Variants in SRD5A2 observed in about 807,000 individuals in gnomAD.
The protein encoded by SRD5A2 is 3-oxo-5-alpha-steroid 4-dehydrogenase 2.
A neutral mutation model predicts 27.4 loss-of-function variants in SRD5A2; 30 were observed. That is an observed-to-expected ratio of 1.10 (90% CI 0.82 to 1.49). The LOEUF (loss-of-function observed/expected upper bound fraction) is 1.49. Among genes scored for constraint, SRD5A2 ranks in the 40% most tolerant of loss-of-function variants. SRD5A2 has a pLI of 0.00. For synonymous variants in SRD5A2, 141 were observed against 133.6 expected (o/e 1.06, Z -0.38); for missense variants, 348 against 323.4 (o/e 1.08, Z -0.58).
chr2:31,636,577 C>T, the SRD5A2 span, among the ~76,000 whole-genome samples: 1 of 152,058 alleles, frequency 6.6e-6, no homozygotes, highest in African/African-American at 2.4e-5. Flanking sequence ...GAAAGGTCTT[C>T]ACATTTTCCC....
chr2:31,528,499 T>C (rs1046823512), intron 4 of SRD5A2, among the ~76,000 whole-genome samples: 17 of 152,184 alleles, frequency 1.1e-4, no homozygotes, highest in South Asian at 4.1e-4. Context: ...CCAGGCGTGA[T>C]GGCTTTGCCT....
chr2:31,524,919 G>A lies in SRD5A2; in HGVS notation c.*1277C>T, dbSNP rs541575145. 4 of 225,194 alleles carry A rather than the reference G, an allele frequency of 1.8e-5. No individual in the cohort carries two copies. The highest frequency in any genetic ancestry group is 1.8e-4 in the South Asian group (1 of 5,466). The allele number at this position is 225,194 out of a possible 1,614,324, so 13.9% of individuals were successfully genotyped here. A position where few individuals can be genotyped will look rare whatever the true frequency, so the allele number is the denominator to read the frequency against. On this transcript the variant is annotated 3_prime_UTR_variant, in exon 5 of 5. Coordinates refer to ENST00000622030, the MANE Select transcript of SRD5A2 (RefSeq NM_000348.4). ...GCAAACTCAAATGCTTACTAGCTAC[G>A]TAGTTCCAGTTCTGGTGTGGAAATG...
chr2:31,540,609 G>A (rs577801028), intron 1 of SRD5A2, among the ~76,000 whole-genome samples: 20 of 152,272 alleles, frequency 1.3e-4, no homozygotes, highest in Non-Finnish European at 1.2e-4. Flanking sequence ...GGCAATAATT[G>A]CACTGACAGA....
the SRD5A2 span, among the ~76,000 whole-genome samples, chr2:31,621,529 T>C: frequency 6.6e-6 from 1 of 152,170 alleles, no homozygotes; most frequent in African/African-American, 2.4e-5. Flanking sequence ...AGTCAGGTTT[T>C]GGTTATTACA....
rs569705761 is a variant in SRD5A2 at position 31,534,213 on chromosome 2, T to C, written c.282-447A>G. Among the ~76,000 whole-genome samples, 152 of 152,326 alleles carry C rather than the reference T, an allele frequency of 1.0e-3. 2 individuals carry two copies. The highest frequency in any genetic ancestry group is 3.5e-3 in the African/African-American group (147 of 41,580). On this transcript the variant is annotated intron_variant, in intron 1 of 4. Coordinates refer to ENST00000622030, the MANE Select transcript of SRD5A2 (RefSeq NM_000348.4). ...GAGCAAAATCTAGGTCTTCTGATAA[T>C]CCTAGTTTTCTACATTAAACCTTTC...
the SRD5A2 span, among the ~76,000 whole-genome samples, chr2:31,661,638 CTT>C: frequency 1.3e-5 from 2 of 152,142 alleles, no homozygotes; most frequent in African/African-American, 2.4e-5. Context: ...GCAGTTGACT[CTT>C]ACGTTATTTA....
At chr2:31,661,857 T>C in the SRD5A2 span, among the ~76,000 whole-genome samples, 1 of 152,162 alleles carries the variant, frequency 6.6e-6, no homozygotes, top group Non-Finnish European at 1.5e-5. Flanking sequence ...AACCATTTTT[T>C]TTCTCTATGT....
intron 1 of SRD5A2, among the ~76,000 whole-genome samples, chr2:31,558,219 T>G (rs1666540430): frequency 6.6e-6 from 1 of 152,156 alleles, no homozygotes; most frequent in Admixed American, 6.5e-5. Context: ...CAAGAACTAC[T>G]CTGACATTGT....
intron 1 of SRD5A2, among the ~76,000 whole-genome samples, chr2:31,571,832 C>A (rs973561547): frequency 6.6e-6 from 1 of 152,184 alleles, no homozygotes; most frequent in Non-Finnish European, 1.5e-5. Context: ...CATCTCACAT[C>A]AATCAGAATA....
At chr2:31,571,708 A>C (rs1344134577) in intron 1 of SRD5A2, among the ~76,000 whole-genome samples, 2 of 152,370 alleles carry the variant, frequency 1.3e-5, no homozygotes, top group East Asian at 3.9e-4. Context: ...AAGTGGGCAA[A>C]GGACATCAAC....
the SRD5A2 span, among the ~76,000 whole-genome samples, chr2:31,627,497 T>C: frequency 6.6e-6 from 1 of 151,952 alleles, no homozygotes; most frequent in Admixed American, 6.6e-5. Context: ...TGGTTATTTC[T>C]TGTCTTCTGC....
intron 1 of SRD5A2, among the ~76,000 whole-genome samples, chr2:31,548,503 G>T (rs1033809544): frequency 6.6e-6 from 1 of 151,872 alleles, no homozygotes; most frequent in Non-Finnish European, 1.5e-5. Context: ...TAATCTTTAG[G>T]GAAATTAAAA....
chr2:31,546,565 C>T (rs918823563), intron 1 of SRD5A2, among the ~76,000 whole-genome samples: 7 of 152,110 alleles, frequency 4.6e-5, no homozygotes, highest in African/African-American at 1.7e-4. Flanking sequence ...CACATTCTCA[C>T]TTATAAGTAG....
the SRD5A2 span, among the ~76,000 whole-genome samples, chr2:31,611,886 G>C: frequency 3.3e-5 from 5 of 152,012 alleles, no homozygotes; most frequent in African/African-American, 1.2e-4. Flanking sequence ...ATTCATAATA[G>C]TAAAAAACTG....
At chr2:31,588,438 A>G in the SRD5A2 span, among the ~76,000 whole-genome samples, 1 of 152,208 alleles carries the variant, frequency 6.6e-6, no homozygotes, top group South Asian at 2.1e-4. Context: ...CACAGTAGAA[A>G]CCTTACCTTA....
chr2:31,648,546 A>C, the SRD5A2 span, among the ~76,000 whole-genome samples: 1 of 152,216 alleles, frequency 6.6e-6, no homozygotes, highest in African/African-American at 2.4e-5. Context: ...AGGCAATGTG[A>C]GTCCCTTAGT....
chr2:31,611,454 A>G, the SRD5A2 span, among the ~76,000 whole-genome samples: 3 of 152,206 alleles, frequency 2.0e-5, no homozygotes, highest in Non-Finnish European at 4.4e-5. Flanking sequence ...TATCTTACAA[A>G]GGATATGTAT....
At chr2:31,574,007 A>T (rs1228841105) in intron 1 of SRD5A2, among the ~76,000 whole-genome samples, 3 of 152,146 alleles carry the variant, frequency 2.0e-5, no homozygotes, top group African/African-American at 7.2e-5. Flanking sequence ...ACACCTATCC[A>T]CCTATCTATC....
intron 1 of SRD5A2, chr2:31,563,382 A>G (rs77421980): frequency 6.7e-6 from 1 of 149,828 alleles, no homozygotes; most frequent in African/African-American, 2.4e-5. Flanking sequence ...TCCAGGCTAG[A>G]AAAAAAAAAG....
Sources: gnomAD v4.1 joint callset for allele counts (sites outside exome capture counted in the v4.1 genomes callset) on GRCh38, gnomAD v4.1.1 for gene constraint, MANE v1.5 for transcripts, NCBI Gene and HGNC (gene_info 2026-07-23, HGNC 2026-07-21) for gene names.